The following BICRAL variants were observed in gnomAD, a reference collection of about 807,000 sequenced individuals.
The protein encoded by BICRAL is BRD4-interacting chromatin-remodeling complex-associated protein-like.
BICRAL carries 8 observed loss-of-function variants against 91.8 expected under a neutral mutation model. The ratio of observed to expected loss-of-function variants is 0.09; its 90% confidence interval spans 0.05 to 0.16. The LOEUF (loss-of-function observed/expected upper bound fraction) is 0.16, where lower values mean the gene tolerates loss of function less well. Ranked by LOEUF, BICRAL falls within the 10% of genes least tolerant of loss-of-function variation. The pLI is 1.00. For missense variants in BICRAL, 1,038 were observed against 1,310.9 expected (o/e 0.79, Z 3.21); for synonymous variants, 445 against 491.1 (o/e 0.91, Z 1.24).
intron 1 of BICRAL, among the ~76,000 whole-genome samples, chr6:42,800,055 T>G (rs1321942163): frequency 6.6e-6 from 1 of 151,440 alleles, no homozygotes; most frequent in African/African-American, 2.4e-5. Flanking sequence ...AATTTTTGGG[T>G]TTTTGTTTTG....
Position 42,829,057 on chromosome 6 carries a change from G to A in BICRAL, c.724G>A (p.Gly242Arg), listed in dbSNP as rs748514505. The change falls in exon 6 of 13, where the codon GGG becomes AGG. Residue 242 changes from glycine to arginine, a missense_variant. Gly to Arg is a moderately radical substitution (Grantham distance 125). This residue lies in a region of BICRAL where 532 missense variants were observed against 724.9 expected (regional missense o/e 0.73). Coordinates refer to ENST00000314073, the MANE Select transcript of BICRAL (RefSeq NM_001393499.1). ...ATCTCAAATCATATTAAAGGGCAGCGGGCAGCAAGCCCCATCAAATGTGAG... is the reference window on the plus strand; with the variant it reads ...ATCTCAAATCATATTAAAGGGCAGCAGGCAGCAAGCCCCATCAAATGTGAG... ...DGSQIILKGS[G>R]QQAPSNVSGG... 24 of 1,613,876 alleles carry A rather than the reference G, an allele frequency of 1.5e-5. No homozygotes were observed. Among genetic ancestry groups the A allele is most frequent in the South Asian group, 3.3e-5 (3 of 91,078 alleles).
At chr6:42,859,880 C>T (rs113589339) in intron 10 of BICRAL, among the ~76,000 whole-genome samples, 1 of 151,982 alleles carries the variant, frequency 6.6e-6, no homozygotes, top group Non-Finnish European at 1.5e-5. Context: ...CTCCTGACCT[C>T]GTGATCCGCC....
intron 10 of BICRAL, among the ~76,000 whole-genome samples, chr6:42,858,729 A>G (rs141547377): frequency 0.014 from 2,065 of 151,848 alleles, 16 homozygotes; most frequent in South Asian, 0.024. Context: ...AGGCAGGAGA[A>G]TCACTTGAAC....
At chr6:42,818,835 G>A (rs981234597) in intron 2 of BICRAL, among the ~76,000 whole-genome samples, 1 of 152,094 alleles carries the variant, frequency 6.6e-6, no homozygotes, top group Non-Finnish European at 1.5e-5. Context: ...TTTTTACACT[G>A]TGTCCTCTTG....
Position 42,813,811 on chromosome 6 carries a change from G to A in BICRAL, c.-6+3410G>A, listed in dbSNP as rs181209939. Among the ~76,000 whole-genome samples the A allele has an allele frequency of 3.4e-3, 516 of 151,906 alleles. 11 individuals carry two copies. Among genetic ancestry groups the A allele is most frequent in the Non-Finnish European group, 5.6e-4 (38 of 67,934 alleles). ...GCTAGGATTACAGGCGTGAGCCACC[G>A]TGCCCATCTCACACTCTTTAAAGAT... On this transcript the variant is annotated intron_variant, in intron 2 of 12. Coordinates refer to ENST00000314073, the MANE Select transcript of BICRAL (RefSeq NM_001393499.1).
Position 42,828,938 on chromosome 6 carries a change from C to T in BICRAL, c.605C>T (p.Ser202Phe). The T allele has an allele frequency of 1.2e-6, 2 of 1,614,114 alleles. No individual in the cohort carries two copies. The highest frequency in any genetic ancestry group is 2.2e-5 in the South Asian group (2 of 91,088). Residue 202 changes from serine (S) to phenylalanine (F), a missense_variant, in exon 6 of 13, where the codon TCT becomes TTT. By Grantham distance (155) the Ser-to-Phe change is radical (BLOSUM62 -2). Around this residue, in one of 5 missense-constraint regions of BICRAL, gnomAD observed 532 missense variants for 724.9 expected, o/e 0.73. Transcript: ENST00000314073. ...VGISVPSQHL[S>F]NSSQISGSGQ... ...ATCAGTGTTCCCAGCCAGCATTTGT[C>T]TAATAGCAGTCAGATTAGTGGTTCT...
intron 9 of BICRAL, among the ~76,000 whole-genome samples, chr6:42,856,177 C>T (rs767630568): frequency 2.0e-5 from 3 of 151,408 alleles, no homozygotes; most frequent in East Asian, 2.0e-4. Context: ...ATTAGCCAGG[C>T]GTGGTGGTAC....
intron 1 of BICRAL, among the ~76,000 whole-genome samples, chr6:42,790,799 A>G (rs1010343097): frequency 1.5e-4 from 23 of 152,100 alleles, no homozygotes; most frequent in African/African-American, 5.3e-4. Flanking sequence ...TCTGCATGGC[A>G]TGGCTCTTGC....
intron 6 of BICRAL, among the ~76,000 whole-genome samples, chr6:42,841,240 G>A (rs1764789196): frequency 7.3e-6 from 1 of 137,922 alleles, no homozygotes; most frequent in Admixed American, 7.7e-5. Context: ...CCAGGCTGGA[G>A]TGCAGTGGCA....
intron 1 of BICRAL, among the ~76,000 whole-genome samples, chr6:42,759,840 G>C (rs1243728136): frequency 6.6e-6 from 1 of 152,174 alleles, no homozygotes; most frequent in Non-Finnish European, 1.5e-5. Context: ...TCTGTTTACA[G>C]GTATCTCTTC....
intron 6 of BICRAL, among the ~76,000 whole-genome samples, chr6:42,844,054 G>A (rs1477464348): frequency 4.7e-5 from 7 of 148,212 alleles, no homozygotes; most frequent in South Asian, 2.1e-4. Context: ...CGCCCGCCTC[G>A]GCCTCCTAAA....
In BICRAL at chr6:42,866,242, A is replaced by C. The variant is rs1359098474; in HGVS notation, c.*796A>C. 6.6e-6 allele frequency: 1 copy of C among 152,490 alleles called. No homozygotes were observed. The highest frequency in any genetic ancestry group is 1.5e-5 in the Non-Finnish European group (1 of 68,262). 9.4% of individuals were successfully genotyped at this position (152,490 alleles called of 1,614,324 possible). The stretch of plus-strand genomic sequence containing the variant: ...TAATTTCACCAGGCTAAATAAAGGA[A>C]AATGGAAACCAGTTAAGAGGCACAG... On this transcript the variant is annotated 3_prime_UTR_variant, in exon 13 of 13. Transcript: ENST00000314073.
chr6:42,761,408 C>T (rs1762545482), intron 1 of BICRAL, among the ~76,000 whole-genome samples: 1 of 152,154 alleles, frequency 6.6e-6, no homozygotes. Context: ...GAGGTTGCAC[C>T]ACTGCAATCC....
chr6:42,785,428 G>T (rs933743760), intron 1 of BICRAL, among the ~76,000 whole-genome samples: 1 of 151,788 alleles, frequency 6.6e-6, no homozygotes, highest in African/African-American at 2.4e-5. Flanking sequence ...GAGTGTGGTG[G>T]CAGGTGCCTG....
At chr6:42,771,522 T>G (rs1762735297) in intron 1 of BICRAL, among the ~76,000 whole-genome samples, 1 of 151,404 alleles carries the variant, frequency 6.6e-6, no homozygotes, top group East Asian at 1.9e-4. Context: ...CTGTCTGAAG[T>G]GGTAGGGAAG....
At chr6:42,845,517 C>G (rs886588069) in intron 6 of BICRAL, among the ~76,000 whole-genome samples, 2 of 151,728 alleles carry the variant, frequency 1.3e-5, no homozygotes, top group Admixed American at 1.3e-4. Context: ...TGAATGAGCC[C>G]AAGTCCAGGA....
chr6:42,801,216 A>G (rs1352709785), intron 1 of BICRAL, among the ~76,000 whole-genome samples: 2 of 148,060 alleles, frequency 1.4e-5, no homozygotes, highest in Non-Finnish European at 3.0e-5. Context: ...AAGCCACTGC[A>G]CTCCAGCCTG....
chr6:42,762,977 C>G (rs1762576590), intron 1 of BICRAL, among the ~76,000 whole-genome samples: 1 of 152,004 alleles, frequency 6.6e-6, no homozygotes, highest in African/African-American at 2.4e-5. Flanking sequence ...GCCTGGCACT[C>G]TTGAACCTTA....
chr6:42,867,672 C>T lies in BICRAL; in HGVS notation c.*2226C>T, dbSNP rs1268787010. Reference sequence around the variant, plus strand: ...TGGAATTCTCAAGAGACAAGATAAGCTTCATGTACATTTGTCACCTCTCTT... The same window carrying T: ...TGGAATTCTCAAGAGACAAGATAAGTTTCATGTACATTTGTCACCTCTCTT... On this transcript the variant is annotated 3_prime_UTR_variant, in exon 13 of 13. Coordinates refer to ENST00000314073, the MANE Select transcript of BICRAL (RefSeq NM_001393499.1). 1 of 152,190 alleles carries T rather than the reference C, an allele frequency of 6.6e-6. No homozygotes were observed. The highest frequency in any genetic ancestry group is 1.5e-5 in the Non-Finnish European group (1 of 68,038). 9.4% of individuals were successfully genotyped at this position (152,190 alleles called of 1,614,324 possible). A position where few individuals can be genotyped will look rare whatever the true frequency, so the allele number is the denominator to read the frequency against.
Sources: gnomAD v4.1 joint callset for allele counts (sites outside exome capture counted in the v4.1 genomes callset) on GRCh38, gnomAD v4.1.1 for gene constraint, gnomAD v4.1.1 regional missense constraint, MANE v1.5 for transcripts, NCBI Gene and HGNC (gene_info 2026-07-23, HGNC 2026-07-21) for gene names.